The following MXRA7 variants were observed in gnomAD, a reference collection of about 807,000 sequenced individuals.
MXRA7 encodes the protein matrix remodeling associated 7.
Under a neutral mutation model 17.4 loss-of-function variants are expected in MXRA7, and 18 were observed. The ratio of observed to expected loss-of-function variants is 1.03; its 90% CI spans 0.71 to 1.53. The LOEUF (loss-of-function observed/expected upper bound fraction) is 1.53, where lower values mean the gene tolerates loss of function less well. Among genes scored for constraint, MXRA7 ranks in the 40% most tolerant of loss-of-function variants. MXRA7 has a pLI of 0.00. For synonymous variants in MXRA7, 70 were observed against 101.7 expected (o/e 0.69, Z 1.87); for missense variants, 141 against 209.3 (o/e 0.67, Z 2.01).
At chr17:76,700,712 C>T (rs1030126796) in intron 1 of MXRA7, among the ~76,000 whole-genome samples, 1 of 152,208 alleles carries the variant, frequency 6.6e-6, no homozygotes, top group Non-Finnish European at 1.5e-5. Context: ...CCGGAACAGG[C>T]GTTCCACTGC....
intron 1 of MXRA7, among the ~76,000 whole-genome samples, chr17:76,699,669 G>T (rs1216913168): frequency 6.6e-6 from 1 of 152,140 alleles, no homozygotes; most frequent in African/African-American, 2.4e-5. Context: ...GCTGGGACTT[G>T]GGGTGCTCTT....
chr17:76,697,055 T>TTCCA (rs1288549411), intron 1 of MXRA7, among the ~76,000 whole-genome samples: 5 of 152,164 alleles, frequency 3.3e-5, no homozygotes, highest in Non-Finnish European at 7.4e-5. Context: ...CTGAACTGTG[T>TTCCA]TCCACGCCCC....
intron 2 of MXRA7, among the ~76,000 whole-genome samples, chr17:76,686,864 GAGATGGCAGGAGGCTA>G (rs1055531279): frequency 2.0e-5 from 3 of 152,106 alleles, no homozygotes; most frequent in Admixed American, 6.5e-5. Flanking sequence ...TGCCTTGCTA[GAGATGGCAGGAGGCTA>G]AGATGGCAGG....
rs1416656444 is a variant in MXRA7, at chr17:76,706,294, CCGT to C, written c.342+4308_342+4310del. 6.9e-5 allele frequency among the ~76,000 whole-genome samples: 8 copies of C among 116,310 alleles called. 2 individuals are homozygous for C. Among genetic ancestry groups the C allele is most frequent in the South Asian group, 2.9e-4 (1 of 3,438 alleles). The allele number at this position is 116,310 out of a possible 152,430, so 76.3% of individuals were successfully genotyped here. On this transcript the variant is annotated intron_variant, in intron 1 of 3. Coordinates refer to ENST00000449428, the MANE Select transcript of MXRA7 (RefSeq NM_198530.4). ...GCTGCCGTCACAGAGGCCCACGCTG[CCGT>C]CACAGAGGCCCACGCTGCCATCACA...
chr17:76,684,624 G>A (rs750831662), intron 3 of MXRA7: 83 of 399,270 alleles, frequency 2.1e-4, no homozygotes, highest in Non-Finnish European at 2.7e-4. Flanking sequence ...TGCTGCAGGC[G>A]CCGGCCTGGG....
intron 1 of MXRA7, among the ~76,000 whole-genome samples, chr17:76,708,695 A>G (rs2076688468): frequency 6.6e-6 from 1 of 152,124 alleles, no homozygotes; most frequent in South Asian, 2.1e-4. Context: ...ATGACACAAT[A>G]TCTGTGTCCC....
At chr17:76,701,789 C>T (rs1205903401) in intron 1 of MXRA7, among the ~76,000 whole-genome samples, 1 of 152,140 alleles carries the variant, frequency 6.6e-6, no homozygotes, top group Non-Finnish European at 1.5e-5. Flanking sequence ...ATGTCCAGAC[C>T]AAAAGCATCG....
intron 2 of MXRA7, among the ~76,000 whole-genome samples, chr17:76,686,896 C>T (rs2076405053): frequency 7.0e-6 from 1 of 143,788 alleles, no homozygotes; most frequent in Admixed American, 7.0e-5. Flanking sequence ...GCAGGAGGCG[C>T]TGGGGGTGGG....
rs1396142031 is a variant in MXRA7, at chr17:76,694,489, C to A, written c.343-6313G>T. On this transcript the variant is annotated intron_variant, in intron 1 of 3. Coordinates refer to ENST00000449428, the MANE Select transcript of MXRA7 (RefSeq NM_198530.4). ...CTCATAGAGGCATCCCAGGGCCTCACACCTGGGCTTCTACTGGAAATAACA... is the reference window on the plus strand; with the variant it reads ...CTCATAGAGGCATCCCAGGGCCTCAAACCTGGGCTTCTACTGGAAATAACA... Among the ~76,000 whole-genome samples, 9 of 152,322 alleles carry A rather than the reference C, an allele frequency of 5.9e-5. No homozygotes were observed. The East Asian group carries it at 1.3e-3, about 23-fold the overall frequency.
At chr17:76,696,532 T>A (rs2076534320) in intron 1 of MXRA7, among the ~76,000 whole-genome samples, 2 of 150,652 alleles carry the variant, frequency 1.3e-5, no homozygotes, top group Non-Finnish European at 3.0e-5. Flanking sequence ...AAAAAATAAA[T>A]AAAAATAAAA....
intron 2 of MXRA7, among the ~76,000 whole-genome samples, chr17:76,687,260 C>G (rs2076409684): frequency 6.6e-6 from 1 of 152,204 alleles, no homozygotes; most frequent in Non-Finnish European, 1.5e-5. Context: ...TGATGGAAAC[C>G]AAGGCACTGC....
chr17:76,675,110 A>G (rs998139591), downstream of MXRA7: 4 of 152,226 alleles, frequency 2.6e-5, no homozygotes, highest in Admixed American at 6.5e-5. Flanking sequence ...TTGCAGTCAG[A>G]ACATCTTAGC....
chr17:76,685,178 G>A lies in MXRA7; in HGVS notation c.407-13C>T, dbSNP rs375157588. On this transcript the variant is annotated splice_polypyrimidine_tract_variant and intron_variant, in intron 2 of 3. Coordinates refer to ENST00000449428, the MANE Select transcript of MXRA7 (RefSeq NM_198530.4). ...GAGAAGCCTTCTCCTGTGGAGGGGG[G>A]ACCCAGTAAGTGCCAGGAGTGCTGT... The A allele has an allele frequency of 8.1e-6, 13 of 1,605,262 alleles. No homozygotes were observed. The highest frequency in any genetic ancestry group is 1.6e-4 in the Middle Eastern group (1 of 6,072).
downstream of MXRA7, among the ~76,000 whole-genome samples, chr17:76,679,187 C>T (rs1401646105): frequency 6.6e-6 from 1 of 151,304 alleles, no homozygotes; most frequent in African/African-American, 2.4e-5. Context: ...ACCTGGGAGG[C>T]TGAGACGGGA....
chr17:76,679,289 A>AAAAAAAGGG (rs1567974745), downstream of MXRA7, among the ~76,000 whole-genome samples: 1 of 137,478 alleles, frequency 7.3e-6, no homozygotes, highest in African/African-American at 3.1e-5. Flanking sequence ...CCCTGTCTCA[A>AAAAAAAGGG]AAAAAAAAAA....
chr17:76,707,872 G>A (rs2076679255), intron 1 of MXRA7, among the ~76,000 whole-genome samples: 1 of 152,192 alleles, frequency 6.6e-6, no homozygotes, highest in African/African-American at 2.4e-5. Flanking sequence ...TCTTGACTTC[G>A]TTGGCTCATG....
At chr17:76,690,022 A>G (rs2076461832) in intron 1 of MXRA7, 1 of 151,712 alleles carries the variant, frequency 6.6e-6, no homozygotes, top group South Asian at 2.1e-4. Context: ...AAAAAGAAAA[A>G]AAAAAAAAAA....
exon 4 of MXRA7, chr17:76,673,881 A>T (rs1598326921): frequency 6.6e-6 from 1 of 152,198 alleles, no homozygotes; most frequent in Admixed American, 6.5e-5. Context: ...TTGTATCCAG[A>T]TGGAGGTACA....
chr17:76,688,939 C>T (rs551448312), intron 1 of MXRA7: 6 of 256,510 alleles, frequency 2.3e-5, no homozygotes, highest in South Asian at 1.7e-4. Flanking sequence ...GCCCAGCCAG[C>T]GTCGGCCGCT....
Sources: gnomAD v4.1 joint callset for allele counts (sites outside exome capture counted in the v4.1 genomes callset) on GRCh38, gnomAD v4.1.1 for gene constraint, MANE v1.5 for transcripts, NCBI Gene and HGNC (gene_info 2026-07-23, HGNC 2026-07-21) for gene names.